The following NCR3LG1 variants were observed in gnomAD, a reference collection of about 807,000 sequenced individuals.
The protein encoded by NCR3LG1 is natural cytotoxicity triggering receptor 3 ligand 1.
In NCR3LG1, 35 loss-of-function variants were observed where a neutral mutation model predicts 34.8. That is an observed-to-expected ratio of 1.01 (90% confidence interval 0.77 to 1.33). The LOEUF (loss-of-function observed/expected upper bound fraction) is 1.33, where lower values mean the gene tolerates loss of function less well. Among genes scored for constraint, NCR3LG1 ranks in the 40% most tolerant of loss-of-function variants. NCR3LG1 has a pLI of 0.00. For missense variants in NCR3LG1, 452 were observed against 423.3 expected, an observed-to-expected ratio of 1.07 and a Z score of -0.60; for synonymous variants, 173 against 163.6, an observed-to-expected ratio of 1.06 and a Z score of -0.44.
In NCR3LG1 at chr11:17,356,716, A is replaced by G; in HGVS notation, c.136A>G (p.Ile46Val). 1.3e-6 allele frequency: 2 copies of G among 1,536,406 alleles called. No individual in the cohort carries two copies. The highest frequency in any genetic ancestry group is 3.3e-4 in the Middle Eastern group (2 of 5,992). The change falls in exon 2 of 5, where the codon ATA becomes GTA. Residue 46 changes from isoleucine to valine, a missense_variant. Coordinates refer to ENST00000338965, the MANE Select transcript of NCR3LG1 (RefSeq NM_001202439.3). ...QITPLNDNVT[I>V]FCNIFYSQPL... is the part of the protein sequence containing the mutation. ...CACACCCCTGAATGACAATGTCACC[A>G]TATTCTGCAATATCTTTTATTCCCA... is the stretch of plus-strand genomic sequence containing the variant.
chr11:17,363,316 G>A (rs970077173), intron 2 of NCR3LG1, among the ~76,000 whole-genome samples: 4 of 151,904 alleles, frequency 2.6e-5, no homozygotes, highest in African/African-American at 9.7e-5. Context: ...CACCTTTGAA[G>A]GAAAATTTTT....
intron 2 of NCR3LG1, among the ~76,000 whole-genome samples, chr11:17,362,763 T>TC (rs1491420521): frequency 1.6e-5 from 2 of 128,108 alleles, no homozygotes; most frequent in East Asian, 4.6e-4. Flanking sequence ...TTTCTTTCTT[T>TC]CTTTCCTTCC....
At chr11:17,367,446 G>T in intron 3 of NCR3LG1, 99 bp downstream of exon 3, 2 of 1,027,698 alleles carry the variant, frequency 1.9e-6, no homozygotes, top group Non-Finnish European at 2.8e-6. Context: ...GGGACTGAAG[G>T]GGAAACAGAG....
intron 1 of NCR3LG1, among the ~76,000 whole-genome samples, chr11:17,353,143 T>C (rs1454162349): frequency 6.7e-6 from 1 of 150,298 alleles, no homozygotes; most frequent in Admixed American, 6.6e-5. Context: ...GTTGAAGGCG[T>C]AGAGCCAAGT....
At chr11:17,369,852 G>A (rs1219732720) in intron 4 of NCR3LG1, among the ~76,000 whole-genome samples, 15 of 152,208 alleles carry the variant, frequency 9.9e-5, no homozygotes, top group Admixed American at 9.8e-4. Context: ...TGAGAGAGGA[G>A]GAAGGAAGAA....
rs1428308548 is a variant in NCR3LG1 at position 17,359,661 on chromosome 11, G to C, written c.421+2660G>C. On this transcript the variant is annotated intron_variant, in intron 2 of 4. Coordinates refer to ENST00000338965, the MANE Select transcript of NCR3LG1 (RefSeq NM_001202439.3). The stretch of plus-strand genomic sequence containing the variant: ...CAGGTAACTAGGATTACAGGTGCCC[G>C]CCACCACGCCTGGCTAATTTTTGTA... Among the ~76,000 whole-genome samples the C allele has an allele frequency of 2.6e-5, 4 of 151,756 alleles. No homozygotes were observed. The South Asian group carries it at 8.3e-4, about 32-fold the overall frequency.
At chr11:17,366,395 T>C (rs1176506051) in intron 2 of NCR3LG1, among the ~76,000 whole-genome samples, 1 of 152,180 alleles carries the variant, frequency 6.6e-6, no homozygotes, top group Non-Finnish European at 1.5e-5. Context: ...CTTGCCACTT[T>C]TGCATAAATC....
At chr11:17,367,848 C>T (rs1341193796) in intron 3 of NCR3LG1, among the ~76,000 whole-genome samples, 17 of 144,814 alleles carry the variant, frequency 1.2e-4, no homozygotes, top group Non-Finnish European at 1.9e-4. Flanking sequence ...GATGGAGTTT[C>T]GCTCTTGTTG....
chr11:17,352,838 G>C (rs540726999), intron 1 of NCR3LG1, among the ~76,000 whole-genome samples: 7 of 151,706 alleles, frequency 4.6e-5, no homozygotes, highest in Non-Finnish European at 8.8e-5. Flanking sequence ...CGTGTTCTGC[G>C]TTAACTTAAA....
intron 4 of NCR3LG1, among the ~76,000 whole-genome samples, chr11:17,370,884 C>A (rs1953398557): frequency 6.6e-6 from 1 of 152,174 alleles, no homozygotes; most frequent in Non-Finnish European, 1.5e-5. Flanking sequence ...GGGAGATAAT[C>A]CTGTTAAGCA....
At chr11:17,380,286 CA>C (rs1953507180), downstream of NCR3LG1, among the ~76,000 whole-genome samples, 1 of 152,090 alleles carries the variant, frequency 6.6e-6, no homozygotes, top group Non-Finnish European at 1.5e-5. Flanking sequence ...TCCCACATCG[CA>C]AAAATGAGCA....
rs140094930 is a variant in NCR3LG1, at chr11:17,367,333, G to A, written c.746G>A (p.Arg249Gln). 2.2e-5 allele frequency: 34 copies of A among 1,533,328 alleles called. No homozygotes were observed. The highest frequency in any genetic ancestry group is 1.2e-4 in the African/African-American group (9 of 73,084). The allele number at this position is 1,533,328 out of a possible 1,614,324, so 95.0% of individuals were successfully genotyped here. ...AGCAACTTTACCCTGACTGCTGCTC[G>A]GCACAGTCTTTCTGGTAAGGGTCTT... The part of the protein sequence containing the change: ...LRSNFTLTAA[R>Q]HSLSETEKTD... Residue 249 changes from arginine (R) to glutamine (Q), a missense_variant, in exon 3 of 5, where the codon CGG becomes CAG. Coordinates refer to ENST00000338965, the MANE Select transcript of NCR3LG1 (RefSeq NM_001202439.3).
At position 17,373,532 on chromosome 11, in the gene NCR3LG1, G is replaced by C. The variant is rs758758499; in HGVS notation, c.*1020G>C. 6.6e-6 allele frequency: 1 copy of C among 152,202 alleles called. No homozygotes were observed. The highest frequency in any genetic ancestry group is 1.5e-5 in the Non-Finnish European group (1 of 68,040). 9.4% of individuals were successfully genotyped at this position (152,202 alleles called of 1,614,324 possible). A position where few individuals can be genotyped will look rare whatever the true frequency, so the allele number is the denominator to read the frequency against. The stretch of plus-strand genomic sequence containing the variant: ...CCTGGGGCTCAACTCCCTGGCTCCA[G>C]TGGCTCAGACTGCTGTTACTACCCG... On this transcript the variant is annotated 3_prime_UTR_variant, in exon 5 of 5. Transcript: ENST00000338965.
chr11:17,380,758 A>C (rs557237710), downstream of NCR3LG1: 7 of 152,284 alleles, frequency 4.6e-5, no homozygotes, highest in Admixed American at 2.0e-4. Flanking sequence ...CCAAAGTGCT[A>C]GGATTACAGG....
At chr11:17,357,935 T>A (rs1198656546) in intron 2 of NCR3LG1, among the ~76,000 whole-genome samples, 1 of 152,170 alleles carries the variant, frequency 6.6e-6, no homozygotes, top group Non-Finnish European at 1.5e-5. Context: ...ACTTCTGGCC[T>A]CAAGAGATCC....
intron 2 of NCR3LG1, among the ~76,000 whole-genome samples, chr11:17,358,002 C>T (rs1425274471): frequency 6.6e-6 from 1 of 152,110 alleles, no homozygotes; most frequent in Admixed American, 6.5e-5. Flanking sequence ...CATGCCTGGC[C>T]AACAGTGGCT....
intron 2 of NCR3LG1, among the ~76,000 whole-genome samples, chr11:17,364,505 G>GT (rs1306992003): frequency 6.6e-6 from 1 of 150,710 alleles, no homozygotes; most frequent in Non-Finnish European, 1.5e-5. Flanking sequence ...AGTTTGGGAA[G>GT]TTTCTATTAA....
chr11:17,369,036 A>C (rs1953379198), intron 4 of NCR3LG1, 72 bp downstream of exon 4: 1 of 943,574 alleles, frequency 1.1e-6, no homozygotes, highest in Admixed American at 2.7e-5. Flanking sequence ...AGCTGCTGCC[A>C]ACCTTACAAG....
At chr11:17,363,475 C>T (rs1307313385) in intron 2 of NCR3LG1, among the ~76,000 whole-genome samples, 30 of 141,094 alleles carry the variant, frequency 2.1e-4, no homozygotes, top group African/African-American at 8.3e-4. Context: ...TGTTTTTTTT[C>T]CTGTGACTTT....
Sources: allele counts gnomAD v4.1 joint callset (sites outside exome capture counted in the v4.1 genomes callset), GRCh38; gene constraint gnomAD v4.1.1; transcripts MANE v1.5; gene names NCBI Gene and HGNC (gene_info 2026-07-23, HGNC 2026-07-21).